Variants in SYT1 observed in about 807,000 individuals in gnomAD.
SYT1 encodes the protein synaptotagmin 1, also known as synaptotagmin-1.
Under a neutral mutation model 44.8 loss-of-function variants are expected in SYT1, and 8 were observed. The ratio of observed to expected loss-of-function variants is 0.18; its 90% CI spans 0.10 to 0.32. SYT1 has a LOEUF of 0.32. Among genes scored for constraint, SYT1 ranks in the 10% least tolerant of loss-of-function variants. The pLI is 1.00. For synonymous variants in SYT1, 154 were observed against 188.8 expected, an observed-to-expected ratio of 0.82 and a Z score of 1.51; for missense variants, 286 against 509.3, an observed-to-expected ratio of 0.56 and a Z score of 4.22.
chr12:79,350,339 G>A (rs1413307242), intron 8 of SYT1, among the ~76,000 whole-genome samples: 2 of 138,820 alleles, frequency 1.4e-5, no homozygotes, highest in African/African-American at 2.7e-5. Flanking sequence ...TGCAAGCTCC[G>A]CCTCCCGGGT....
chr12:79,218,488 C>T (rs552083535), intron 4 of SYT1, among the ~76,000 whole-genome samples: 12 of 152,288 alleles, frequency 7.9e-5, no homozygotes, highest in African/African-American at 2.9e-4. Context: ...TCCTCTGTAA[C>T]TGAAATGTAT....
intron 4 of SYT1, among the ~76,000 whole-genome samples, chr12:79,280,132 GA>G (rs534564430): frequency 6.7e-5 from 10 of 148,784 alleles, no homozygotes; most frequent in East Asian, 2.0e-4. Context: ...CACAGAATTA[GA>G]AAAAAAAACA....
At chr12:79,116,115 G>C (rs1353996443) in intron 3 of SYT1, among the ~76,000 whole-genome samples, 1 of 152,178 alleles carries the variant, frequency 6.6e-6, no homozygotes, top group African/African-American at 2.4e-5. Flanking sequence ...TCATTAAAAT[G>C]GGAATCATGA....
chr12:78,916,687 TA>T, intron 1 of SYT1, among the ~76,000 whole-genome samples: 1 of 152,158 alleles, frequency 6.6e-6, no homozygotes, highest in Admixed American at 6.6e-5. Flanking sequence ...TAATTACTTC[TA>T]AAACTCTATT....
intron 3 of SYT1, among the ~76,000 whole-genome samples, chr12:79,107,990 G>A (rs939093714): frequency 6.6e-6 from 1 of 151,928 alleles, no homozygotes; most frequent in African/African-American, 2.4e-5. Context: ...GAGATTTAAT[G>A]CAATCTTCAG....
chr12:79,100,118 G>T (rs963355662), intron 3 of SYT1, among the ~76,000 whole-genome samples: 36 of 151,928 alleles, frequency 2.4e-4, no homozygotes, highest in African/African-American at 8.5e-4. Context: ...TAATAATAAC[G>T]AACATTTGGA....
At chr12:79,308,145 G>T (rs1385652931) in intron 8 of SYT1, among the ~76,000 whole-genome samples, 1 of 152,198 alleles carries the variant, frequency 6.6e-6, no homozygotes, top group African/African-American at 2.4e-5. Context: ...AAATCCTTTC[G>T]CTGTAAGTCA....
At chr12:79,084,487 G>C (rs1877248326) in intron 3 of SYT1, among the ~76,000 whole-genome samples, 1 of 152,086 alleles carries the variant, frequency 6.6e-6, no homozygotes, top group Non-Finnish European at 1.5e-5. Flanking sequence ...AAGAGGCTCA[G>C]TGCTTTGCCT....
rs142613257 is a variant in SYT1 at position 79,451,629 on chromosome 12, A to G, written c.*2505A>G. On this transcript the variant is annotated 3_prime_UTR_variant, in exon 11 of 11. Transcript: ENST00000261205. ...GCCATCTTTCACTCTTTCACAAGTC[A>G]GTGATGGAACCTGCTTTATGACCAA... 1.3e-4 allele frequency: 20 copies of G among 152,368 alleles called. No individual in the cohort carries two copies. Among genetic ancestry groups the G allele is most frequent in the African/African-American group, 4.8e-4 (20 of 41,594 alleles). The allele number at this position is 152,368 out of a possible 1,614,324, so 9.4% of individuals were successfully genotyped here.
intron 8 of SYT1, among the ~76,000 whole-genome samples, chr12:79,348,788 G>C (rs969126498): frequency 2.0e-5 from 3 of 151,734 alleles, no homozygotes; most frequent in Admixed American, 1.3e-4. Flanking sequence ...TCATAGTGTA[G>C]GATGGTGAAG....
At position 79,187,084 on chromosome 12, in the gene SYT1, T is replaced by C. The variant is rs370028878; in HGVS notation, c.-17-30419T>C. ...TATTTTATTTACACTTGCTTTTAGG[T>C]TTTTATTGTTTCTTTATTTTCTTCT... On this transcript the variant is annotated intron_variant, in intron 3 of 10. Coordinates refer to ENST00000261205, the MANE Select transcript of SYT1 (RefSeq NM_005639.3). 4.6e-5 allele frequency among the ~76,000 whole-genome samples: 7 copies of C among 152,148 alleles called. 1 individual carries two copies. Among genetic ancestry groups the C allele is most frequent in the Admixed American group, 3.3e-4 (5 of 15,238 alleles).
chr12:78,879,064 T>C (rs1332279390), intron 1 of SYT1, among the ~76,000 whole-genome samples: 1 of 151,586 alleles, frequency 6.6e-6, no homozygotes, highest in Non-Finnish European at 1.5e-5. Flanking sequence ...ATTACAAGGA[T>C]ATAGGAAGTA....
rs11114115 is a variant in SYT1 at position 79,435,736 on chromosome 12, C to A, written c.929-8337C>A. Among the ~76,000 whole-genome samples the A allele has an allele frequency of 2.0e-5, 3 of 152,288 alleles. No homozygotes were observed. In the East Asian group the frequency reaches 5.8e-4, roughly 29 times the overall value. ...TTCTTCTAATGCAGGGCTTATCAAT[C>A]TAAGCTCTATTGACATTTTGGGCCT... On this transcript the variant is annotated intron_variant, in intron 9 of 10. Coordinates refer to ENST00000261205, the MANE Select transcript of SYT1 (RefSeq NM_005639.3).
intron 2 of SYT1, among the ~76,000 whole-genome samples, chr12:79,006,580 C>A (rs1013875770): frequency 6.6e-6 from 1 of 152,056 alleles, no homozygotes; most frequent in African/African-American, 2.4e-5. Flanking sequence ...CTTCTGAGAG[C>A]CCCTGAAATG....
rs58399069 is a variant in SYT1 at position 79,338,276 on chromosome 12, C to CTTT, written c.811-15217_811-15215dup. On this transcript the variant is annotated intron_variant, in intron 8 of 10. Transcript: ENST00000261205. ...AATTTTTTTTTCTTTTTTCTTTTTC[C>CTTT]TTTTTTTTTTTCTTTTTTGAGACAG... 1.3e-3 allele frequency among the ~76,000 whole-genome samples: 195 copies of CTTT among 144,900 alleles called. 2 individuals carry two copies. Among genetic ancestry groups the CTTT allele is most frequent in the African/African-American group, 4.5e-3 (178 of 39,284 alleles).
chr12:78,950,435 C>T (rs1187456886), intron 1 of SYT1, among the ~76,000 whole-genome samples: 5 of 151,960 alleles, frequency 3.3e-5, no homozygotes, highest in Non-Finnish European at 7.4e-5. Context: ...TTCTAATAAG[C>T]CTCTGTGATA....
At chr12:79,235,257 A>G (rs1305214527) in intron 4 of SYT1, among the ~76,000 whole-genome samples, 2 of 152,180 alleles carry the variant, frequency 1.3e-5, no homozygotes, top group Non-Finnish European at 2.9e-5. Context: ...CATCCTTGCT[A>G]ACACTTGGAA....
intron 2 of SYT1, among the ~76,000 whole-genome samples, chr12:79,001,260 TAAA>T (rs11315867): frequency 6.9e-6 from 1 of 145,010 alleles, no homozygotes; most frequent in African/African-American, 2.5e-5. Flanking sequence ...TCATTTCTTT[TAAA>T]AAAAAAAAAG....
chr12:78,917,259 T>C (rs1270362181), intron 1 of SYT1, among the ~76,000 whole-genome samples: 1 of 152,052 alleles, frequency 6.6e-6, no homozygotes, highest in African/African-American at 2.4e-5. Context: ...GTATTTATCC[T>C]CCTACATCGT....
Sources: allele counts gnomAD v4.1 joint callset (sites outside exome capture counted in the v4.1 genomes callset), GRCh38; gene constraint gnomAD v4.1.1; transcripts MANE v1.5; gene names NCBI Gene and HGNC (gene_info 2026-07-23, HGNC 2026-07-21).